ALK: variants seen among roughly 807,000 people sequenced by gnomAD.
The protein encoded by ALK is ALK receptor tyrosine kinase, also known as ALK tyrosine kinase receptor.
Under a neutral mutation model 163.1 loss-of-function variants are expected in ALK, and 74 were observed. The ratio of observed to expected loss-of-function variants is 0.45; its 90% CI spans 0.38 to 0.55. ALK has a LOEUF of 0.55. Ranked by LOEUF, ALK falls within the 20% of genes least tolerant of loss-of-function variation. The pLI is 0.00. For synonymous variants in ALK, 960 were observed against 843.2 expected (o/e 1.14, Z -2.40); for missense variants, 2,063 against 2,105.3 (o/e 0.98, Z 0.39).
At chr2:29,580,489 C>G (rs554803930) in intron 3 of ALK, among the ~76,000 whole-genome samples, 1 of 152,342 alleles carries the variant, frequency 6.6e-6, no homozygotes, top group East Asian at 1.9e-4. Context: ...CAGCACACGT[C>G]TCCGGTTGAC....
chr2:29,920,717 C>T lies in ALK; in HGVS notation c.-58G>A, dbSNP rs1667977154. 2.1e-6 allele frequency: 3 copies of T among 1,441,714 alleles called. No homozygotes were observed. The highest frequency in any genetic ancestry group is 2.0e-5 in the Admixed American group (1 of 50,560). The allele number at this position is 1,441,714 out of a possible 1,614,324, so 89.3% of individuals were successfully genotyped here. ...GGGCCCAGCCTCACCCTTCGCTCTC[C>T]CCGAGATGGGAAGAGGCTCTGAACA... On this transcript the variant is annotated 5_prime_UTR_variant, in exon 1 of 29. Transcript: ENST00000389048.
chr2:29,915,399 T>C (rs1667810271), intron 1 of ALK, among the ~76,000 whole-genome samples: 1 of 152,198 alleles, frequency 6.6e-6, no homozygotes, highest in African/African-American at 2.4e-5. Flanking sequence ...TTTTTATTTT[T>C]AGTAGAGACA....
chr2:29,316,596 T>C (rs922896759), intron 8 of ALK, among the ~76,000 whole-genome samples: 1 of 152,182 alleles, frequency 6.6e-6, no homozygotes, highest in South Asian at 2.1e-4. Context: ...AAAGACCAAA[T>C]GCTCTTAAGG....
At chr2:29,345,789 C>T (rs577837873) in intron 5 of ALK, among the ~76,000 whole-genome samples, 2 of 152,214 alleles carry the variant, frequency 1.3e-5, no homozygotes, top group African/African-American at 4.8e-5. Flanking sequence ...TTGAAGAACC[C>T]TTATTAACAT....
intron 1 of ALK, among the ~76,000 whole-genome samples, chr2:29,913,283 A>G (rs1667753827): frequency 6.6e-6 from 1 of 152,214 alleles, no homozygotes; most frequent in South Asian, 2.1e-4. Context: ...CAGAACAGCC[A>G]GCTGAAAAAT....
chr2:29,830,744 A>ACTTAGCC (rs1665350009), intron 1 of ALK, among the ~76,000 whole-genome samples: 1 of 100,120 alleles, frequency 1.0e-5, no homozygotes, highest in Admixed American at 1.2e-4. Flanking sequence ...AAAAAAAAAA[A>ACTTAGCC]AAAAAAAAAC....
chr2:29,212,475 A>G (rs897141106), intron 24 of ALK, among the ~76,000 whole-genome samples: 3 of 152,240 alleles, frequency 2.0e-5, no homozygotes, highest in South Asian at 2.1e-4. Flanking sequence ...CATTATTTCT[A>G]TGAAGCAGTA....
At chr2:29,409,956 C>T (rs1669687974) in intron 4 of ALK, among the ~76,000 whole-genome samples, 2 of 152,160 alleles carry the variant, frequency 1.3e-5, no homozygotes, top group Non-Finnish European at 2.9e-5. Flanking sequence ...CAAGTACTTC[C>T]AGTTTCACTC....
intron 11 of ALK, among the ~76,000 whole-genome samples, chr2:29,268,532 G>T (rs1451054109): frequency 3.3e-5 from 5 of 152,170 alleles, no homozygotes; most frequent in Non-Finnish European, 5.9e-5. Context: ...CATAGGGTTT[G>T]GCACAGAGCA....
At chr2:29,710,669 A>G (rs952447107) in intron 2 of ALK, among the ~76,000 whole-genome samples, 1 of 152,208 alleles carries the variant, frequency 6.6e-6, no homozygotes, top group South Asian at 2.1e-4. Flanking sequence ...GCACATGTGC[A>G]CCCAGCTAAT....
chr2:29,573,977 G>C (rs549577850), intron 3 of ALK, among the ~76,000 whole-genome samples: 1 of 152,258 alleles, frequency 6.6e-6, no homozygotes, highest in Non-Finnish European at 1.5e-5. Flanking sequence ...TGGATATATA[G>C]TGGGTAGAAT....
intron 1 of ALK, among the ~76,000 whole-genome samples, chr2:29,878,699 G>C (rs1666783319): frequency 6.6e-6 from 1 of 152,204 alleles, no homozygotes; most frequent in South Asian, 2.1e-4. Context: ...GTCATCTCAT[G>C]AGATTATGGA....
rs1233811022 is a variant in ALK at position 29,477,773 on chromosome 2, C to T, written c.1154+54142G>A. On this transcript the variant is annotated intron_variant, in intron 4 of 28. Coordinates refer to ENST00000389048, the MANE Select transcript of ALK (RefSeq NM_004304.5). The stretch of plus-strand genomic sequence containing the variant: ...GCAGGGGCAACAAGAAATGTGGGGA[C>T]TTCAGATATGGCTAAAAGACTTAGG... Among the ~76,000 whole-genome samples the T allele has an allele frequency of 2.6e-5, 4 of 152,120 alleles. No individual in the cohort carries two copies. In the East Asian group the frequency reaches 7.7e-4, roughly 29 times the overall value.
At chr2:29,308,899 GTTTT>G in intron 8 of ALK, among the ~76,000 whole-genome samples, 1 of 147,190 alleles carries the variant, frequency 6.8e-6, no homozygotes, top group African/African-American at 2.5e-5. Flanking sequence ...TTTCTGTCTG[GTTTT>G]TTTTTTTGTT....
intron 1 of ALK, among the ~76,000 whole-genome samples, chr2:29,761,278 G>C (rs1409346134): frequency 6.6e-6 from 1 of 152,276 alleles, no homozygotes; most frequent in Non-Finnish European, 1.5e-5. Context: ...GAGTGAATAG[G>C]CTTTGAAGGC....
chr2:29,214,756 C>T (rs1195855983), intron 23 of ALK, among the ~76,000 whole-genome samples: 1 of 152,192 alleles, frequency 6.6e-6, no homozygotes, highest in Admixed American at 6.5e-5. Flanking sequence ...TTCCAGAAGG[C>T]GACATCCCAT....
At chr2:29,700,727 A>T in intron 2 of ALK, among the ~76,000 whole-genome samples, 1 of 152,334 alleles carries the variant, frequency 6.6e-6, no homozygotes, top group East Asian at 1.9e-4. Flanking sequence ...TTCATTAACA[A>T]TTAGCTTCTA....
chr2:29,333,339 C>G (rs1667507444), intron 5 of ALK, among the ~76,000 whole-genome samples: 1 of 152,130 alleles, frequency 6.6e-6, no homozygotes, highest in Admixed American at 6.5e-5. Flanking sequence ...TGGTCTTGAA[C>G]TCCTGGCTTC....
Position 29,577,663 on chromosome 2 carries a change from C to A in ALK, c.953-45547G>T, listed in dbSNP as rs116582599. ...CCATCCTTCTAGCAAGTGCAACCTCCCCCAGCTCTGCAAACACAGGAGTGA... is the reference window on the plus strand; with the variant it reads ...CCATCCTTCTAGCAAGTGCAACCTCACCCAGCTCTGCAAACACAGGAGTGA... On this transcript the variant is annotated intron_variant, in intron 3 of 28. Coordinates refer to ENST00000389048, the MANE Select transcript of ALK (RefSeq NM_004304.5). Among the ~76,000 whole-genome samples, 1,028 of 152,294 alleles carry A rather than the reference C, an allele frequency of 6.8e-3. 5 individuals are homozygous for A. Among genetic ancestry groups the A allele is most frequent in the African/African-American group, 0.024 (985 of 41,546 alleles).
Sources: gnomAD v4.1 joint callset for allele counts (sites outside exome capture counted in the v4.1 genomes callset) on GRCh38, gnomAD v4.1.1 for gene constraint, MANE v1.5 for transcripts, NCBI Gene and HGNC (gene_info 2026-07-23, HGNC 2026-07-21) for gene names.